The following TUBGCP3 variants were observed in gnomAD, a reference collection of about 807,000 sequenced individuals.
TUBGCP3 encodes the protein tubulin gamma complex component 3.
Under a neutral mutation model 123.1 loss-of-function variants are expected in TUBGCP3, and 50 were observed. The observed-to-expected ratio is 0.41, with a 90% CI of 0.32 to 0.51. The LOEUF is 0.51. Among genes scored for constraint, TUBGCP3 ranks in the 20% least tolerant of loss-of-function variants. TUBGCP3 has a pLI of 0.36. For missense variants in TUBGCP3, 882 were observed against 1,127.0 expected, an observed-to-expected ratio of 0.78 and a Z score of 3.11; for synonymous variants, 405 against 413.9, an observed-to-expected ratio of 0.98 and a Z score of 0.26.
At chr13:112,503,475 T>C (rs1261429308) in intron 19 of TUBGCP3, among the ~76,000 whole-genome samples, 2 of 152,120 alleles carry the variant, frequency 1.3e-5, no homozygotes, top group East Asian at 1.9e-4. Flanking sequence ...GTTGAAGTGA[T>C]TCTCCTGTCT....
At chr13:112,517,224 G>A (rs906672984) in intron 16 of TUBGCP3, among the ~76,000 whole-genome samples, 5 of 152,166 alleles carry the variant, frequency 3.3e-5, no homozygotes, top group Admixed American at 2.0e-4. Flanking sequence ...TGCCATGTTA[G>A]CCAGGCTGGT....
chr13:112,541,424 C>A (rs928637677), intron 11 of TUBGCP3, among the ~76,000 whole-genome samples: 6 of 151,906 alleles, frequency 3.9e-5, no homozygotes, highest in Admixed American at 3.3e-4. Flanking sequence ...TGCCTGTAAT[C>A]CCAGCTACTC....
intron 21 of TUBGCP3, among the ~76,000 whole-genome samples, chr13:112,486,811 G>C (rs935658734): frequency 1.3e-5 from 2 of 152,260 alleles, no homozygotes; most frequent in Non-Finnish European, 2.9e-5. Flanking sequence ...GCTGGAGCCT[G>C]CTGCATGCCA....
Position 112,508,724 on chromosome 13 carries a change from C to T in TUBGCP3, c.2087-4010G>A, listed in dbSNP as rs979472311. Among the ~76,000 whole-genome samples, 1 of 152,142 alleles carries T rather than the reference C, an allele frequency of 6.6e-6. No homozygotes were observed. Among genetic ancestry groups the T allele is most frequent in the Non-Finnish European group, 1.5e-5 (1 of 68,018 alleles). ...ATTTGAATGGAATCACTATCCCCCC[C>T]AAAGAAGCTCTTCCTCCAGTGCTCC... On this transcript the variant is annotated intron_variant, in intron 17 of 21. Transcript: ENST00000261965. This position sits in a 1 kb window ranked among gnomAD's most constrained non-coding sequence, Gnocchi z 4.2.
Position 112,527,359 on chromosome 13 carries a change from C to A in TUBGCP3, c.1446+15G>T. 6 of 1,507,476 alleles carry A rather than the reference C, an allele frequency of 4.0e-6. No individual in the cohort carries two copies. The highest frequency in any genetic ancestry group is 5.3e-6 in the Non-Finnish European group (6 of 1,123,922). The allele number at this position is 1,507,476 out of a possible 1,614,324, so 93.4% of individuals were successfully genotyped here. On this transcript the variant is annotated intron_variant, in intron 12 of 21. Coordinates refer to ENST00000261965, the MANE Select transcript of TUBGCP3 (RefSeq NM_006322.6). ...CATAAAACATCAAAATCACAAAAATCTCTTCTAATCCTACCTTCCTAGACT... is the reference window on the plus strand; with the variant it reads ...CATAAAACATCAAAATCACAAAAATATCTTCTAATCCTACCTTCCTAGACT...
intron 19 of TUBGCP3, among the ~76,000 whole-genome samples, 171 bp downstream of exon 19, chr13:112,503,861 C>G (rs1332423189): frequency 6.6e-6 from 1 of 152,134 alleles, no homozygotes; most frequent in African/African-American, 2.4e-5. Flanking sequence ...CACTACTGTT[C>G]CAATTCTCTT....
chr13:112,547,147 A>G (rs1274423739), intron 10 of TUBGCP3: 2 of 316,382 alleles, frequency 6.3e-6, no homozygotes, highest in East Asian at 9.8e-5. Context: ...CATCTGACCG[A>G]GAGTCACCAA....
At position 112,522,483 on chromosome 13, in the gene TUBGCP3, T is replaced by A. The variant is rs1238114605; in HGVS notation, c.1582A>T (p.Asn528Tyr). 6.2e-7 allele frequency: 1 copy of A among 1,613,518 alleles called. No individual in the cohort carries two copies. Among genetic ancestry groups the A allele is most frequent in the East Asian group, 2.2e-5 (1 of 44,894 alleles). Residue 528 changes from asparagine (N) to tyrosine (Y), a missense_variant, in exon 14 of 22, where the codon AAT becomes TAT. Physicochemically the swap from Asn to Tyr is moderately radical, Grantham distance 143. This residue lies in a region of TUBGCP3 where 713 missense variants were observed against 874.0 expected (regional missense o/e 0.82). Coordinates refer to ENST00000261965, the MANE Select transcript of TUBGCP3 (RefSeq NM_006322.6). ...DAADLFTDLE[N>Y]AFQGKIDAAY... The stretch of plus-strand genomic sequence containing the variant: ...GCATCAATCTTCCCCTGAAATGCAT[T>A]TTCCAAGTCTGTGAATAGGTCTGCA...
intron 17 of TUBGCP3, among the ~76,000 whole-genome samples, chr13:112,514,467 C>G (rs1450112587): frequency 6.6e-6 from 1 of 152,138 alleles, no homozygotes; most frequent in Non-Finnish European, 1.5e-5. Flanking sequence ...GCCTGGGCAA[C>G]AAAGGGGGAC....
At chr13:112,494,748 G>C (rs1226944112) in intron 20 of TUBGCP3, among the ~76,000 whole-genome samples, 1 of 152,168 alleles carries the variant, frequency 6.6e-6, no homozygotes, top group Non-Finnish European at 1.5e-5. Flanking sequence ...CCTGACTTTT[G>C]GATAAAAGCC....
Position 112,519,766 on chromosome 13 carries a change from T to C in TUBGCP3, c.1881+120A>G. The C allele has an allele frequency of 7.4e-7, 1 of 1,342,516 alleles. No individual in the cohort carries two copies. Among genetic ancestry groups the C allele is most frequent in the Non-Finnish European group, 9.8e-7 (1 of 1,024,378 alleles). 83.2% of individuals were successfully genotyped at this position (1,342,516 alleles called of 1,614,324 possible). A position where few individuals can be genotyped will look rare whatever the true frequency, so the allele number is the denominator to read the frequency against. ...TGGAGTTCCTACTCAGGCTGCCCAG[T>C]TTCCAGAAAGATAACGGCTAGCTGT... is the stretch of plus-strand genomic sequence containing the variant. On this transcript the variant is annotated intron_variant, in intron 15 of 21. Transcript: ENST00000261965. The surrounding 1 kb of genome is among the most constrained non-coding windows in gnomAD (Gnocchi z 6.2).
chr13:112,547,334 C>T (rs562439156), intron 10 of TUBGCP3: 51 of 416,434 alleles, frequency 1.2e-4, no homozygotes, highest in African/African-American at 9.4e-4. Context: ...CGAGCTTCTA[C>T]CATATAAATA....
chr13:112,527,317 A>G (rs45591531), intron 12 of TUBGCP3, 57 bp downstream of exon 12: 985 of 1,288,458 alleles, frequency 7.6e-4, no homozygotes, highest in Non-Finnish European at 1.0e-3. Flanking sequence ...TTGTCACATA[A>G]TCTAAGTATA....
chr13:112,573,840 C>G (rs187934536), intron 1 of TUBGCP3, among the ~76,000 whole-genome samples: 1 of 152,218 alleles, frequency 6.6e-6, no homozygotes, highest in African/African-American at 2.4e-5. Context: ...CAGTTCAACC[C>G]GGGATGCAGA....
At chr13:112,558,026 AGAG>A (rs1880185212) in intron 5 of TUBGCP3, among the ~76,000 whole-genome samples, 167 bp downstream of exon 5, 1 of 152,256 alleles carries the variant, frequency 6.6e-6, no homozygotes, top group Non-Finnish European at 1.5e-5. Flanking sequence ...ATAGCTCTGA[AGAG>A]GAGTAACGTT....
intron 3 of TUBGCP3, 50 bp downstream of exon 3, chr13:112,565,061 A>T: frequency 6.5e-7 from 1 of 1,529,178 alleles, no homozygotes; most frequent in Non-Finnish European, 9.0e-7. Flanking sequence ...TATACCACTC[A>T]TCATATCCTC....
rs575746477 is a variant in TUBGCP3, at chr13:112,566,269, A to T, written c.185-1091T>A. Among the ~76,000 whole-genome samples, 2 of 152,304 alleles carry T rather than the reference A, an allele frequency of 1.3e-5. 1 individual carries two copies. Among genetic ancestry groups the T allele is most frequent in the African/African-American group, 4.8e-5 (2 of 41,570 alleles). On this transcript the variant is annotated intron_variant, in intron 2 of 21. Coordinates refer to ENST00000261965, the MANE Select transcript of TUBGCP3 (RefSeq NM_006322.6). ...GCCTCTCAAAGAAGCTGTCACACCC[A>T]CTAGAAAGGTGCCACTTTCAAAGGC...
intron 8 of TUBGCP3, among the ~76,000 whole-genome samples, chr13:112,551,193 A>G (rs563162779): frequency 9.2e-5 from 14 of 152,388 alleles, no homozygotes; most frequent in African/African-American, 3.4e-4. Flanking sequence ...TATGTGAGTC[A>G]GCTTCTGAGA....
At chr13:112,517,771 A>T (rs561061038) in intron 16 of TUBGCP3, among the ~76,000 whole-genome samples, 1 of 152,212 alleles carries the variant, frequency 6.6e-6, no homozygotes, top group South Asian at 2.1e-4. Context: ...TGTGCCTGTA[A>T]TCCTAGCTAC....
Sources: allele counts gnomAD v4.1 joint callset (sites outside exome capture counted in the v4.1 genomes callset), GRCh38; gene constraint gnomAD v4.1.1; regional missense constraint gnomAD v4.1.1; non-coding constraint Gnocchi (gnomAD v3.1); transcripts MANE v1.5; gene names NCBI Gene and HGNC (gene_info 2026-07-23, HGNC 2026-07-21).